The following SLC10A7 variants were observed in gnomAD, a reference collection of about 807,000 sequenced individuals.
SLC10A7 encodes the protein sodium/bile acid cotransporter 7.
Under a neutral mutation model 43.2 loss-of-function variants are expected in SLC10A7, and 29 were observed. That is an observed-to-expected ratio of 0.67 (90% CI 0.50 to 0.92). The LOEUF (loss-of-function observed/expected upper bound fraction) is 0.92. SLC10A7 is among the 40% of genes least tolerant of loss of function. The pLI is 0.00. For missense variants in SLC10A7, 295 were observed against 403.2 expected (o/e 0.73, Z 2.30); for synonymous variants, 152 against 144.8 (o/e 1.05, Z -0.35).
chr4:146,496,831 T>C (rs1000605270), intron 4 of SLC10A7, among the ~76,000 whole-genome samples: 2 of 152,250 alleles, frequency 1.3e-5, no homozygotes, highest in Non-Finnish European at 2.9e-5. Flanking sequence ...ATGTCAGCTA[T>C]GACCCTTGCC....
At chr4:146,322,542 G>A (rs1227380191) in intron 6 of SLC10A7, among the ~76,000 whole-genome samples, 2 of 152,022 alleles carry the variant, frequency 1.3e-5, no homozygotes, top group Non-Finnish European at 2.9e-5. Context: ...CCCTACAAAG[G>A]ACATGAATTC....
intron 4 of SLC10A7, among the ~76,000 whole-genome samples, chr4:146,497,332 C>T (rs1225165578): frequency 6.6e-6 from 1 of 152,142 alleles, no homozygotes; most frequent in African/African-American, 2.4e-5. Context: ...ACACAGATAA[C>T]CTAGAGTTTA....
chr4:146,269,424 A>AC (rs1276011303), intron 10 of SLC10A7, among the ~76,000 whole-genome samples: 3 of 152,256 alleles, frequency 2.0e-5, no homozygotes, highest in Non-Finnish European at 4.4e-5. Context: ...GTTTATGGAG[A>AC]CAAGCTTAGC....
At chr4:146,300,407 C>A (rs777163391) in intron 7 of SLC10A7, among the ~76,000 whole-genome samples, 31 of 152,128 alleles carry the variant, frequency 2.0e-4, no homozygotes, top group Non-Finnish European at 3.4e-4. Flanking sequence ...AAAGTGAGTG[C>A]ACTTCTTTGA....
At chr4:146,494,857 C>T (rs1036803349) in intron 4 of SLC10A7, among the ~76,000 whole-genome samples, 1 of 152,078 alleles carries the variant, frequency 6.6e-6, no homozygotes, top group African/African-American at 2.4e-5. Context: ...AGACAATTTG[C>T]TGGGCAACAG....
At position 146,305,926 on chromosome 4, in the gene SLC10A7, C is replaced by A; in HGVS notation, c.555G>T (p.Gln185His). 6.2e-7 allele frequency: 1 copy of A among 1,603,232 alleles called. No homozygotes were observed. The highest frequency in any genetic ancestry group is 1.1e-5 in the South Asian group (1 of 88,776). The change falls in exon 7 of 12, where the codon CAG (glutamine) becomes CAT (histidine). Residue 185 changes from glutamine to histidine, a missense_variant and splice_region_variant. Coordinates refer to ENST00000335472, the MANE Select transcript of SLC10A7 (RefSeq NM_001029998.6). ...GATCAGATAGAATTGGAGGCCTTAC[C>A]TGTCCAATGATGAGAGGAACCACAA... is the stretch of plus-strand genomic sequence containing the variant. ...MTVVVPLIIG[Q>H]IVRRYIKDWL...
intron 10 of SLC10A7, among the ~76,000 whole-genome samples, chr4:146,263,910 T>G (rs1560744265): frequency 1.3e-5 from 2 of 152,260 alleles, no homozygotes; most frequent in Non-Finnish European, 2.9e-5. Flanking sequence ...ACTGTGTGGA[T>G]AGATAAAGAG....
intron 10 of SLC10A7, among the ~76,000 whole-genome samples, chr4:146,262,407 TGA>T (rs1728285952): frequency 2.0e-5 from 3 of 152,214 alleles, no homozygotes; most frequent in Admixed American, 6.5e-5. Flanking sequence ...TCTCAATTGT[TGA>T]GAGAGGTTGA....
rs952528400 is a variant in SLC10A7, at chr4:146,484,560, G to A, written c.396+19289C>T. ...AGTGGTTACTGGGGACTGGATAAAG[G>A]AAGAAATGGGGAGATGTAGGTCAGC... On this transcript the variant is annotated intron_variant, in intron 4 of 11. Coordinates refer to ENST00000335472, the MANE Select transcript of SLC10A7 (RefSeq NM_001029998.6). Among the ~76,000 whole-genome samples the A allele has an allele frequency of 7.9e-5, 12 of 152,224 alleles. No individual in the cohort carries two copies. The East Asian group carries it at 2.3e-3, about 29-fold the overall frequency.
intron 5 of SLC10A7, among the ~76,000 whole-genome samples, chr4:146,360,733 A>G (rs1229357504): frequency 1.3e-5 from 2 of 152,190 alleles, no homozygotes; most frequent in Non-Finnish European, 2.9e-5. Flanking sequence ...CTGGGATTAC[A>G]GGCATGAGCC....
intron 5 of SLC10A7, among the ~76,000 whole-genome samples, chr4:146,379,935 T>TTC (rs5862757): frequency 0.055 from 8,045 of 146,250 alleles, 284 homozygotes; most frequent in South Asian, 0.16. Context: ...TGACAAATAA[T>TTC]TCTCTCTCTC....
chr4:146,492,849 T>A (rs1233196238), intron 4 of SLC10A7, among the ~76,000 whole-genome samples: 1 of 152,144 alleles, frequency 6.6e-6, no homozygotes, highest in Non-Finnish European at 1.5e-5. Context: ...TTATATGTTT[T>A]TTTTTCCCAA....
chr4:146,452,753 C>A (rs1456026500), intron 4 of SLC10A7, among the ~76,000 whole-genome samples: 1 of 151,906 alleles, frequency 6.6e-6, no homozygotes, highest in Non-Finnish European at 1.5e-5. Flanking sequence ...TTATACACTA[C>A]GCTCAATATT....
At chr4:146,382,392 C>T (rs78098569) in intron 5 of SLC10A7, among the ~76,000 whole-genome samples, 3,260 of 152,166 alleles carry the variant, frequency 0.021, 101 homozygotes, top group African/African-American at 0.074. Context: ...ATTACTGTTT[C>T]ACCCAATAGA....
chr4:146,391,758 T>C (rs1199084303), intron 5 of SLC10A7, among the ~76,000 whole-genome samples: 1 of 152,232 alleles, frequency 6.6e-6, no homozygotes, highest in Non-Finnish European at 1.5e-5. Flanking sequence ...TCACAAGGTA[T>C]ACTGCACTGA....
At chr4:146,513,062 G>T (rs2150050403) in intron 2 of SLC10A7, among the ~76,000 whole-genome samples, 1 of 152,046 alleles carries the variant, frequency 6.6e-6, no homozygotes, top group South Asian at 2.1e-4. Context: ...GTTTCACATG[G>T]AATATCTCTG....
At chr4:146,303,789 T>C (rs1731328484) in intron 7 of SLC10A7, among the ~76,000 whole-genome samples, 1 of 152,230 alleles carries the variant, frequency 6.6e-6, no homozygotes, top group Admixed American at 6.5e-5. Flanking sequence ...AGCACTTACC[T>C]GTGTTAGGTT....
intron 5 of SLC10A7, among the ~76,000 whole-genome samples, chr4:146,336,337 TGA>T (rs1733894173): frequency 6.6e-6 from 1 of 152,116 alleles, no homozygotes; most frequent in Admixed American, 6.6e-5. Flanking sequence ...AACTTGGCTT[TGA>T]GTGAACCCAC....
At chr4:146,517,317 G>T (rs1738107723) in intron 1 of SLC10A7, among the ~76,000 whole-genome samples, 197 bp from the exon 2 acceptor site, 1 of 152,000 alleles carries the variant, frequency 6.6e-6, no homozygotes, top group Admixed American at 6.6e-5. Context: ...ACAAAAATTA[G>T]CCGGGCATGG....
Sources: gnomAD v4.1 joint callset for allele counts (sites outside exome capture counted in the v4.1 genomes callset) on GRCh38, gnomAD v4.1.1 for gene constraint, MANE v1.5 for transcripts, NCBI Gene and HGNC (gene_info 2026-07-23, HGNC 2026-07-21) for gene names.